The following MTHFD1L variants were observed in gnomAD, a reference collection of about 807,000 sequenced individuals.
The protein encoded by MTHFD1L is monofunctional C1-tetrahydrofolate synthase, mitochondrial.
MTHFD1L carries 81 observed loss-of-function variants against 119.5 expected under a neutral mutation model. That is an observed-to-expected ratio of 0.68 (90% confidence interval 0.57 to 0.82). MTHFD1L has a LOEUF of 0.82. Among genes scored for constraint, MTHFD1L ranks in the 40% least tolerant of loss-of-function variants. The pLI, the probability that MTHFD1L is intolerant of heterozygous loss-of-function variation, is 0.00. For synonymous variants in MTHFD1L, 430 were observed against 475.2 expected (o/e 0.90, Z 1.24); for missense variants, 1,125 against 1,253.4 (o/e 0.90, Z 1.55).
At chr6:151,045,329 G>A (rs1271802352) in intron 26 of MTHFD1L, among the ~76,000 whole-genome samples, 2 of 152,128 alleles carry the variant, frequency 1.3e-5, no homozygotes, top group East Asian at 1.9e-4. Context: ...CGTGCAGAAC[G>A]CCACTCCCCC....
At chr6:150,981,027 T>C (rs1777414878) in intron 20 of MTHFD1L, among the ~76,000 whole-genome samples, 1 of 151,958 alleles carries the variant, frequency 6.6e-6, no homozygotes, top group African/African-American at 2.4e-5. Flanking sequence ...CCAAACAACT[T>C]AATGAGTATT....
At position 150,869,311 on chromosome 6, in the gene MTHFD1L, T is replaced by C. The variant is rs111574653; in HGVS notation, c.227+3262T>C. Among the ~76,000 whole-genome samples, 998 of 152,208 alleles carry C rather than the reference T, an allele frequency of 6.6e-3. 12 individuals carry two copies. The highest frequency in any genetic ancestry group is 0.023 in the African/African-American group (950 of 41,540). Reference sequence around the variant, plus strand: ...CACATGCATTAGGTATTTGTCCTAATGCTCTCCCTCCTCTTGCCCTCCCAC... The same window carrying C: ...CACATGCATTAGGTATTTGTCCTAACGCTCTCCCTCCTCTTGCCCTCCCAC... On this transcript the variant is annotated intron_variant, in intron 1 of 27. Transcript: ENST00000367321.
intron 26 of MTHFD1L, among the ~76,000 whole-genome samples, chr6:151,061,468 A>C (rs1790630135): frequency 6.6e-6 from 1 of 152,216 alleles, no homozygotes; most frequent in South Asian, 2.1e-4. Context: ...TGTTTGTGAA[A>C]TTTAGGCACA....
At chr6:150,944,642 C>A (rs768761055) in intron 14 of MTHFD1L, 49 bp downstream of exon 14, 1 of 1,380,238 alleles carries the variant, frequency 7.2e-7, no homozygotes, top group Non-Finnish European at 1.0e-6. Flanking sequence ...TCCTGGAATT[C>A]CTGGATTCTT....
In MTHFD1L at chr6:151,069,251, T is replaced by TTCTCTCTCTCTCTCTC. The variant is rs371324778; in HGVS notation, c.2848-23201_2848-23186dup. Reference sequence around the variant, plus strand: ...AGGCCCAAAACTATCTTCTCTCTCTTTCTCTCTCTCTCTCTCTCTCTCTCT... The same window carrying TTCTCTCTCTCTCTCTC: ...AGGCCCAAAACTATCTTCTCTCTCTTTCTCTCTCTCTCTCTCTCTCTCTCTCTCTCTCTCTCTCTCT... On this transcript the variant is annotated intron_variant, in intron 26 of 27. Coordinates refer to ENST00000367321, the MANE Select transcript of MTHFD1L (RefSeq NM_015440.5). 4.3e-4 allele frequency among the ~76,000 whole-genome samples: 58 copies of TTCTCTCTCTCTCTCTC among 136,436 alleles called. 1 individual carries two copies. The highest frequency in any genetic ancestry group is 1.2e-3 in the South Asian group (5 of 4,042). 89.5% of individuals were successfully genotyped at this position (136,436 alleles called of 152,430 possible). A position where few individuals can be genotyped will look rare whatever the true frequency, so the allele number is the denominator to read the frequency against.
intron 15 of MTHFD1L, among the ~76,000 whole-genome samples, chr6:150,947,902 T>A (rs1483539416): frequency 6.6e-6 from 1 of 152,230 alleles, no homozygotes; most frequent in Non-Finnish European, 1.5e-5. Context: ...GAACTCACAG[T>A]ATCTTACTCG....
chr6:151,014,544 G>A (rs1033957627), intron 22 of MTHFD1L, among the ~76,000 whole-genome samples: 11 of 152,320 alleles, frequency 7.2e-5, no homozygotes, highest in Admixed American at 4.6e-4. Context: ...AGGGATCTGA[G>A]CCAGGAATAC....
chr6:150,911,436 A>C (rs1786860577), intron 8 of MTHFD1L, among the ~76,000 whole-genome samples: 1 of 152,240 alleles, frequency 6.6e-6, no homozygotes, highest in African/African-American at 2.4e-5. Context: ...GTATTAGTCC[A>C]TTCTCACACT....
At chr6:150,905,144 G>A (rs762474890) in intron 7 of MTHFD1L, among the ~76,000 whole-genome samples, 2 of 145,500 alleles carry the variant, frequency 1.4e-5, no homozygotes, top group African/African-American at 2.6e-5. Context: ...AGTGATTCTC[G>A]TGCTGTAGCC....
chr6:150,965,373 G>A (rs1303757253), intron 19 of MTHFD1L, among the ~76,000 whole-genome samples: 1 of 152,152 alleles, frequency 6.6e-6, no homozygotes, highest in Admixed American at 6.6e-5. Flanking sequence ...GAAAGTCAAT[G>A]TCTGAGGCCA....
chr6:151,060,546 G>A (rs1262534570), intron 26 of MTHFD1L, among the ~76,000 whole-genome samples: 2 of 152,182 alleles, frequency 1.3e-5, no homozygotes, highest in Admixed American at 6.5e-5. Flanking sequence ...GATGCCATGG[G>A]GGGCTGGCAG....
chr6:150,990,374 G>A (rs1195312659), intron 20 of MTHFD1L, among the ~76,000 whole-genome samples: 2 of 152,166 alleles, frequency 1.3e-5, no homozygotes, highest in Non-Finnish European at 1.5e-5. Flanking sequence ...GTTAATAGCA[G>A]AGGAATACCC....
chr6:151,017,978 G>A (rs973951699), intron 24 of MTHFD1L, among the ~76,000 whole-genome samples: 2 of 152,002 alleles, frequency 1.3e-5, no homozygotes, highest in Non-Finnish European at 2.9e-5. Context: ...CCAGAAGTGG[G>A]ATTGCTGGGT....
chr6:151,002,458 AGAAT>A, intron 20 of MTHFD1L, among the ~76,000 whole-genome samples: 1 of 152,268 alleles, frequency 6.6e-6, no homozygotes, highest in East Asian at 1.9e-4. Context: ...TCGGTCTCTT[AGAAT>A]GGTTTTTCCC....
intron 8 of MTHFD1L, among the ~76,000 whole-genome samples, chr6:150,915,208 C>T (rs1177827029): frequency 6.6e-6 from 1 of 152,130 alleles, no homozygotes. Context: ...TTGAATGCAG[C>T]CCAACACAAA....
intron 27 of MTHFD1L, among the ~76,000 whole-genome samples, chr6:151,094,906 T>A (rs925655155): frequency 2.0e-5 from 3 of 152,234 alleles, no homozygotes; most frequent in African/African-American, 7.2e-5. Context: ...CTCAAACTCC[T>A]GACCTCAAGT....
chr6:151,077,472 A>G (rs1280174799), intron 26 of MTHFD1L, among the ~76,000 whole-genome samples: 1 of 152,058 alleles, frequency 6.6e-6, no homozygotes, highest in Non-Finnish European at 1.5e-5. Context: ...ATGAAACCCC[A>G]TCTCTATTAA....
At chr6:151,070,926 T>G (rs749839701) in intron 26 of MTHFD1L, among the ~76,000 whole-genome samples, 16 of 152,146 alleles carry the variant, frequency 1.1e-4, no homozygotes, top group Admixed American at 5.2e-4. Flanking sequence ...CTAAAGCAGA[T>G]AGCCAACCCT....
intron 9 of MTHFD1L, among the ~76,000 whole-genome samples, 157 bp from the exon 10 acceptor site, chr6:150,922,040 AACCTAGTT>A (rs1241827470): frequency 6.6e-6 from 1 of 152,222 alleles, no homozygotes; most frequent in Non-Finnish European, 1.5e-5. Context: ...AAAACCTACA[AACCTAGTT>A]ACACGTGAAT....
Sources: gnomAD v4.1 joint callset for allele counts (sites outside exome capture counted in the v4.1 genomes callset) on GRCh38, gnomAD v4.1.1 for gene constraint, MANE v1.5 for transcripts, NCBI Gene and HGNC (gene_info 2026-07-23, HGNC 2026-07-21) for gene names.